GRID2: variants seen among roughly 807,000 people sequenced by gnomAD.
GRID2 encodes the protein glutamate receptor ionotropic, delta-2.
Under a neutral mutation model 114.8 loss-of-function variants are expected in GRID2, and 33 were observed. The observed-to-expected ratio is 0.29, with a 90% CI of 0.22 to 0.38. The LOEUF is 0.38. Among genes scored for constraint, GRID2 ranks in the 10% least tolerant of loss-of-function variants. The pLI, the probability that GRID2 is intolerant of heterozygous loss-of-function variation, is 1.00. For synonymous variants in GRID2, 505 were observed against 449.9 expected, an observed-to-expected ratio of 1.12 and a Z score of -1.55; for missense variants, 1,184 against 1,257.7, an observed-to-expected ratio of 0.94 and a Z score of 0.89.
At chr4:92,318,507 C>CTTTT (rs34235006) in intron 1 of GRID2, among the ~76,000 whole-genome samples, 35 of 64,408 alleles carry the variant, frequency 5.4e-4, no homozygotes, top group African/African-American at 8.3e-4. Flanking sequence ...TATGCCAGGA[C>CTTTT]TTTTTTTTTT....
intron 2 of GRID2, among the ~76,000 whole-genome samples, chr4:92,630,128 G>T (rs1217785638): frequency 6.6e-6 from 1 of 151,886 alleles, no homozygotes; most frequent in African/African-American, 2.4e-5. Context: ...CTCGGGTCTA[G>T]ACATCTGTCA....
intron 8 of GRID2, among the ~76,000 whole-genome samples, chr4:93,329,737 A>G (rs1758231344): frequency 6.6e-6 from 1 of 152,140 alleles, no homozygotes; most frequent in Non-Finnish European, 1.5e-5. Flanking sequence ...TATTTTCTCA[A>G]GGACACAGAC....
intron 14 of GRID2, among the ~76,000 whole-genome samples, chr4:93,727,622 T>C (rs1362797727): frequency 4.6e-5 from 7 of 152,174 alleles, no homozygotes; most frequent in Non-Finnish European, 1.0e-4. Context: ...GTCCTGGACT[T>C]TTTTTGGTTG....
At chr4:92,894,146 G>A (rs1298913802) in intron 2 of GRID2, among the ~76,000 whole-genome samples, 1 of 152,064 alleles carries the variant, frequency 6.6e-6, no homozygotes, top group African/African-American at 2.4e-5. Flanking sequence ...TTATATTTTT[G>A]TCCACATGGT....
intron 9 of GRID2, among the ~76,000 whole-genome samples, chr4:93,399,847 T>C (rs568204692): frequency 2.2e-4 from 33 of 152,028 alleles, no homozygotes; most frequent in Non-Finnish European, 2.9e-4. Flanking sequence ...AGTTAGTCTT[T>C]CAGGACACAG....
At position 92,939,567 on chromosome 4, in the gene GRID2, T is replaced by C. The variant is rs1304264790; in HGVS notation, c.245-145428T>C. Among the ~76,000 whole-genome samples, 8 of 147,498 alleles carry C rather than the reference T, an allele frequency of 5.4e-5. 1 individual carries two copies. Among genetic ancestry groups the C allele is most frequent in the Non-Finnish European group, 1.2e-4 (8 of 66,604 alleles). ...GTTGCTGTGCAGAAGCTCTTTAGTT[T>C]AATGAGATCCCATTTGTCAATTTTG... On this transcript the variant is annotated intron_variant, in intron 2 of 15. Transcript: ENST00000282020.
intron 2 of GRID2, among the ~76,000 whole-genome samples, chr4:92,978,602 G>A (rs1186027509): frequency 2.6e-5 from 4 of 151,832 alleles, no homozygotes; most frequent in Non-Finnish European, 4.4e-5. Flanking sequence ...TTCCCTAGCA[G>A]GTATAAAACA....
chr4:92,934,273 G>A (rs1013986017), intron 2 of GRID2, among the ~76,000 whole-genome samples: 11 of 151,658 alleles, frequency 7.3e-5, no homozygotes, highest in Admixed American at 3.3e-4. Context: ...GGATTCCTAG[G>A]TATTTTATTC....
intron 1 of GRID2, among the ~76,000 whole-genome samples, chr4:92,347,710 T>C (rs1465153956): frequency 6.6e-6 from 1 of 152,130 alleles, no homozygotes; most frequent in East Asian, 1.9e-4. Flanking sequence ...TGGTATAACC[T>C]ATAGGAAGGC....
intron 1 of GRID2, among the ~76,000 whole-genome samples, chr4:92,440,620 A>C (rs1732998957): frequency 6.6e-6 from 1 of 151,920 alleles, no homozygotes; most frequent in Admixed American, 6.6e-5. Flanking sequence ...CCACGATGGA[A>C]AGGAAATGGA....
At chr4:92,773,712 TTATC>T (rs1237280229) in intron 2 of GRID2, among the ~76,000 whole-genome samples, 3 of 152,066 alleles carry the variant, frequency 2.0e-5, no homozygotes, top group Admixed American at 2.0e-4. Context: ...AATTTTTGTT[TTATC>T]TATCTATTTT....
chr4:93,402,710 C>T (rs905608724), intron 9 of GRID2, among the ~76,000 whole-genome samples: 22 of 151,852 alleles, frequency 1.4e-4, no homozygotes, highest in Non-Finnish European at 7.4e-5. Flanking sequence ...CACCTACCAC[C>T]GAAAACAAAA....
chr4:92,967,420 T>C (rs1032951068), intron 2 of GRID2, among the ~76,000 whole-genome samples: 1 of 151,880 alleles, frequency 6.6e-6, no homozygotes, highest in African/African-American at 2.4e-5. Flanking sequence ...TTGTATTTAG[T>C]CTATAGGAAA....
chr4:92,837,421 CTG>C (rs1300436052), intron 2 of GRID2, among the ~76,000 whole-genome samples: 5 of 149,682 alleles, frequency 3.3e-5, no homozygotes, highest in Non-Finnish European at 7.4e-5. Context: ...TTGGGGAAAA[CTG>C]TATTCAGTGT....
intron 2 of GRID2, among the ~76,000 whole-genome samples, chr4:92,935,289 C>T (rs1750575820): frequency 6.8e-6 from 1 of 147,394 alleles, no homozygotes; most frequent in African/African-American, 2.4e-5. Flanking sequence ...AAAAAAGGCT[C>T]ACTATCACTG....
chr4:93,485,982 C>T (rs574714731), intron 11 of GRID2, among the ~76,000 whole-genome samples: 1 of 151,784 alleles, frequency 6.6e-6, no homozygotes, highest in South Asian at 2.1e-4. Flanking sequence ...TATTAAGTCT[C>T]TCAATCAATG....
intron 13 of GRID2, among the ~76,000 whole-genome samples, chr4:93,609,226 G>A (rs777751340): frequency 0.036 from 3,081 of 85,836 alleles, 458 homozygotes; most frequent in Non-Finnish European, 0.049. Flanking sequence ...TTTGTCAGAT[G>A]AGTAGGTTGC....
Position 92,887,909 on chromosome 4 carries a change from G to A in GRID2, c.245-197086G>A, listed in dbSNP as rs1381054857. On this transcript the variant is annotated intron_variant, in intron 2 of 15. Transcript: ENST00000282020. ...GTCCTCTTTTATACCATGTTCTCTCGCTAATAATAGCTTCTCATTTCATGC... is the reference window on the plus strand; with the variant it reads ...GTCCTCTTTTATACCATGTTCTCTCACTAATAATAGCTTCTCATTTCATGC... 6.6e-5 allele frequency among the ~76,000 whole-genome samples: 10 copies of A among 151,824 alleles called. No homozygotes were observed. The East Asian group carries it at 1.6e-3, about 24-fold the overall frequency.
chr4:92,887,584 G>A (rs963582313), intron 2 of GRID2, among the ~76,000 whole-genome samples: 1 of 152,070 alleles, frequency 6.6e-6, no homozygotes, highest in Non-Finnish European at 1.5e-5. Flanking sequence ...GCCTCTAATT[G>A]CATGATGGTT....
Sources: allele counts gnomAD v4.1 joint callset (sites outside exome capture counted in the v4.1 genomes callset), GRCh38; gene constraint gnomAD v4.1.1; transcripts MANE v1.5; gene names NCBI Gene and HGNC (gene_info 2026-07-23, HGNC 2026-07-21).